GRID2: variants seen among roughly 807,000 people sequenced by gnomAD.
GRID2 encodes the protein glutamate receptor ionotropic, delta-2.
Under a neutral mutation model 114.8 loss-of-function variants are expected in GRID2, and 33 were observed. The ratio of observed to expected loss-of-function variants is 0.29; its 90% confidence interval spans 0.22 to 0.38. The LOEUF is 0.38. Among genes scored for constraint, GRID2 ranks in the 10% least tolerant of loss-of-function variants. The pLI is 1.00. For synonymous variants in GRID2, 505 were observed against 449.9 expected (o/e 1.12, Z -1.55); for missense variants, 1,184 against 1,257.7 (o/e 0.94, Z 0.89).
intron 6 of GRID2, among the ~76,000 whole-genome samples, chr4:93,222,762 A>G (rs1745039826): frequency 6.6e-6 from 1 of 152,084 alleles, no homozygotes; most frequent in Non-Finnish European, 1.5e-5. Flanking sequence ...GATGGTTTCC[A>G]GCTTCATCCA....
intron 10 of GRID2, among the ~76,000 whole-genome samples, chr4:93,435,612 G>A (rs1413712197): frequency 6.6e-6 from 1 of 152,098 alleles, no homozygotes; most frequent in South Asian, 2.1e-4. Flanking sequence ...AAGCTTTACA[G>A]GTATTGACTC....
At chr4:93,266,833 G>T (rs1388386916) in intron 8 of GRID2, among the ~76,000 whole-genome samples, 1 of 152,108 alleles carries the variant, frequency 6.6e-6, no homozygotes, top group Non-Finnish European at 1.5e-5. Context: ...TAACCAGACT[G>T]GTAGAATAAA....
At chr4:93,128,255 A>G (rs1327152609) in intron 4 of GRID2, among the ~76,000 whole-genome samples, 1 of 151,992 alleles carries the variant, frequency 6.6e-6, no homozygotes, top group Non-Finnish European at 1.5e-5. Flanking sequence ...ATTGGTCAGG[A>G]TTATGGATTT....
intron 9 of GRID2, among the ~76,000 whole-genome samples, chr4:93,407,456 G>A (rs111771226): frequency 1.3e-5 from 2 of 152,146 alleles, no homozygotes; most frequent in East Asian, 1.9e-4. Flanking sequence ...TTTAATGATC[G>A]GTCGAAATAC....
intron 4 of GRID2, among the ~76,000 whole-genome samples, chr4:93,151,465 G>A (rs1736735211): frequency 6.6e-6 from 1 of 151,884 alleles, no homozygotes; most frequent in African/African-American, 2.4e-5. Context: ...CCAGCAATAA[G>A]GGCAGAAATT....
At chr4:93,131,491 A>AT (rs1282259655) in intron 4 of GRID2, among the ~76,000 whole-genome samples, 6 of 151,838 alleles carry the variant, frequency 4.0e-5, no homozygotes, top group Non-Finnish European at 8.8e-5. Context: ...TAATCTCTTT[A>AT]TTTTTTAAAT....
intron 14 of GRID2, among the ~76,000 whole-genome samples, chr4:93,721,270 G>A (rs1729346147): frequency 6.6e-6 from 1 of 152,010 alleles, no homozygotes; most frequent in Non-Finnish European, 1.5e-5. Context: ...AGTCAAAAAG[G>A]GATCGAATAT....
At chr4:93,474,606 A>T (rs2149439170) in intron 11 of GRID2, among the ~76,000 whole-genome samples, 1 of 152,226 alleles carries the variant, frequency 6.6e-6, no homozygotes, top group African/African-American at 2.4e-5. Context: ...AGAGGGAGAA[A>T]ACGAAATGGA....
At chr4:92,579,339 C>G (rs986407535) in intron 1 of GRID2, among the ~76,000 whole-genome samples, 4 of 151,956 alleles carry the variant, frequency 2.6e-5, no homozygotes, top group African/African-American at 9.7e-5. Flanking sequence ...ATAAATTATT[C>G]ACTCTTTCCA....
chr4:92,845,923 C>T (rs1743284867), intron 2 of GRID2, among the ~76,000 whole-genome samples: 1 of 152,060 alleles, frequency 6.6e-6, no homozygotes, highest in Non-Finnish European at 1.5e-5. Flanking sequence ...CATAGCCCTT[C>T]TTTCTGAACC....
At chr4:92,706,950 T>C (rs566426755) in intron 2 of GRID2, among the ~76,000 whole-genome samples, 4 of 152,276 alleles carry the variant, frequency 2.6e-5, no homozygotes, top group African/African-American at 9.6e-5. Flanking sequence ...TTCGACATAC[T>C]ATATCATTTT....
chr4:93,086,834 A>T (rs1279441792), intron 3 of GRID2, among the ~76,000 whole-genome samples: 1 of 152,190 alleles, frequency 6.6e-6, no homozygotes, highest in Non-Finnish European at 1.5e-5. Flanking sequence ...AACATGCTGA[A>T]TAAGACTGTT....
At chr4:93,737,933 T>A (rs935862083) in intron 14 of GRID2, among the ~76,000 whole-genome samples, 1 of 152,152 alleles carries the variant, frequency 6.6e-6, no homozygotes, top group Non-Finnish European at 1.5e-5. Flanking sequence ...TATTCATCAA[T>A]AATTAGTTCA....
intron 2 of GRID2, among the ~76,000 whole-genome samples, chr4:93,063,411 G>C (rs1028287209): frequency 6.6e-5 from 10 of 151,766 alleles, no homozygotes; most frequent in Non-Finnish European, 1.3e-4. Context: ...TAAACTTTAG[G>C]AGTATTTACT....
At chr4:93,348,529 G>T (rs947294214) in intron 8 of GRID2, among the ~76,000 whole-genome samples, 2 of 152,136 alleles carry the variant, frequency 1.3e-5, no homozygotes, top group African/African-American at 4.8e-5. Flanking sequence ...ATCCTGCGGG[G>T]CTCATGGCCT....
At chr4:93,340,103 T>C (rs1323904451) in intron 8 of GRID2, among the ~76,000 whole-genome samples, 2 of 152,180 alleles carry the variant, frequency 1.3e-5, no homozygotes, top group African/African-American at 2.4e-5. Context: ...TTCCCAAAGG[T>C]GTGTCTAACT....
At chr4:93,616,494 C>G (rs974719422) in intron 13 of GRID2, among the ~76,000 whole-genome samples, 2 of 148,842 alleles carry the variant, frequency 1.3e-5, no homozygotes, top group Non-Finnish European at 3.0e-5. Flanking sequence ...CTGCAGTGGT[C>G]TCAGACGAGC....
intron 1 of GRID2, among the ~76,000 whole-genome samples, chr4:92,517,611 A>G (rs1425009389): frequency 1.3e-5 from 2 of 151,940 alleles, no homozygotes; most frequent in African/African-American, 2.4e-5. Context: ...GTTGAACCAA[A>G]AAATGAGTAG....
chr4:92,441,102 G>A (rs1733041270), intron 1 of GRID2, among the ~76,000 whole-genome samples: 1 of 152,150 alleles, frequency 6.6e-6, no homozygotes, highest in South Asian at 2.1e-4. Flanking sequence ...TGTTTGGACA[G>A]AAAGGCTACA....
Sources: gnomAD v4.1 joint callset for allele counts (sites outside exome capture counted in the v4.1 genomes callset) on GRCh38, gnomAD v4.1.1 for gene constraint, MANE v1.5 for transcripts, NCBI Gene and HGNC (gene_info 2026-07-23, HGNC 2026-07-21) for gene names.